Variants in ASIC2 observed in about 807,000 individuals in gnomAD.
The protein encoded by ASIC2 is acid-sensing ion channel 2.
Under a neutral mutation model 57.3 loss-of-function variants are expected in ASIC2, and 25 were observed. That is an observed-to-expected ratio of 0.44 (90% CI 0.32 to 0.61). The LOEUF (loss-of-function observed/expected upper bound fraction) is 0.61, where lower values mean the gene tolerates loss of function less well. Ranked by LOEUF, ASIC2 falls within the 20% of genes least tolerant of loss-of-function variation. The pLI is 0.06. For synonymous variants in ASIC2, 319 were observed against 307.5 expected (o/e 1.04, Z -0.39); for missense variants, 641 against 738.1 (o/e 0.87, Z 1.52).
At chr17:33,853,531 G>C (rs1375363148) in intron 1 of ASIC2, among the ~76,000 whole-genome samples, 1 of 152,206 alleles carries the variant, frequency 6.6e-6, no homozygotes, top group Admixed American at 6.5e-5. Context: ...GACAACTCCA[G>C]TTCCGTAAGG....
chr17:33,057,466 G>T (rs1021405488), intron 3 of ASIC2, among the ~76,000 whole-genome samples: 2 of 152,206 alleles, frequency 1.3e-5, no homozygotes, highest in African/African-American at 4.8e-5. Context: ...TAACTGTCCA[G>T]GGAGGTGGAC....
intron 1 of ASIC2, among the ~76,000 whole-genome samples, chr17:33,641,939 A>G (rs566031290): frequency 6.6e-6 from 1 of 152,342 alleles, no homozygotes; most frequent in Non-Finnish European, 1.5e-5. Flanking sequence ...AAAAGATCAT[A>G]CATTTCTTTT....
intron 4 of ASIC2, among the ~76,000 whole-genome samples, chr17:33,026,754 CT>C (rs2091860634): frequency 6.6e-6 from 1 of 152,182 alleles, no homozygotes; most frequent in Admixed American, 6.5e-5. Context: ...TTGCTGGGAT[CT>C]CTTTGTAGAA....
intron 1 of ASIC2, among the ~76,000 whole-genome samples, chr17:33,320,853 A>AT (rs894748542): frequency 6.6e-5 from 10 of 151,968 alleles, no homozygotes; most frequent in Non-Finnish European, 1.2e-4. Flanking sequence ...CTTATAACTG[A>AT]TTTTTTTGTG....
At chr17:33,634,505 C>CT (rs1384331087) in intron 1 of ASIC2, among the ~76,000 whole-genome samples, 1 of 141,502 alleles carries the variant, frequency 7.1e-6, no homozygotes, top group African/African-American at 2.7e-5. Flanking sequence ...GAGAGAAAAA[C>CT]TTTTTTTTCT....
chr17:33,226,022 G>A (rs1037079281), intron 1 of ASIC2, among the ~76,000 whole-genome samples: 7 of 152,152 alleles, frequency 4.6e-5, no homozygotes, highest in African/African-American at 1.7e-4. Flanking sequence ...CAGAGACAAA[G>A]ATGTCTCCCA....
At chr17:33,906,707 C>T (rs1247923486) in intron 1 of ASIC2, among the ~76,000 whole-genome samples, 1 of 152,218 alleles carries the variant, frequency 6.6e-6, no homozygotes, top group Admixed American at 6.5e-5. Flanking sequence ...ATGCAAGTAT[C>T]TTATAGGACT....
intron 1 of ASIC2, among the ~76,000 whole-genome samples, chr17:34,155,252 C>T (rs1282474298): frequency 6.6e-6 from 1 of 152,160 alleles, no homozygotes; most frequent in Non-Finnish European, 1.5e-5. Flanking sequence ...ATCTCCCTGA[C>T]CCTCTTGCAC....
At chr17:34,153,602 G>A (rs1222880673) in intron 1 of ASIC2, among the ~76,000 whole-genome samples, 10 of 152,206 alleles carry the variant, frequency 6.6e-5, no homozygotes, top group Non-Finnish European at 2.9e-5. Context: ...GCTGCCCACT[G>A]TGCCCAGCTG....
At chr17:33,923,823 G>A (rs1567757380) in intron 1 of ASIC2, among the ~76,000 whole-genome samples, 1 of 152,168 alleles carries the variant, frequency 6.6e-6, no homozygotes, top group Non-Finnish European at 1.5e-5. Flanking sequence ...GGGGCGTCCT[G>A]AGTTCTCAGC....
chr17:34,116,503 G>A (rs548605508), intron 1 of ASIC2, among the ~76,000 whole-genome samples: 2 of 152,244 alleles, frequency 1.3e-5, no homozygotes, highest in Admixed American at 6.5e-5. Context: ...TGTAATTCCT[G>A]CTGGAGTATG....
intron 1 of ASIC2, among the ~76,000 whole-genome samples, chr17:33,135,166 C>T (rs1406865454): frequency 1.3e-5 from 2 of 152,260 alleles, no homozygotes; most frequent in Middle Eastern, 3.4e-3. Context: ...CCCTCATGAA[C>T]GTCCTGCTCA....
At chr17:33,095,684 A>G (rs2092176009) in intron 2 of ASIC2, among the ~76,000 whole-genome samples, 1 of 152,208 alleles carries the variant, frequency 6.6e-6, no homozygotes, top group Admixed American at 6.5e-5. Context: ...GCAGCTGTGT[A>G]GGGACTTCAG....
intron 1 of ASIC2, among the ~76,000 whole-genome samples, chr17:33,708,848 C>T (rs904530995): frequency 6.6e-5 from 10 of 152,302 alleles, no homozygotes; most frequent in East Asian, 5.8e-4. Flanking sequence ...CTCCCTTCCT[C>T]GCACAAGCAG....
At chr17:33,966,489 A>G (rs1017746173) in intron 1 of ASIC2, among the ~76,000 whole-genome samples, 2 of 152,164 alleles carry the variant, frequency 1.3e-5, no homozygotes, top group African/African-American at 4.8e-5. Flanking sequence ...ACATATCCGA[A>G]CCGCCATAAA....
intron 1 of ASIC2, among the ~76,000 whole-genome samples, chr17:33,205,945 C>T (rs1184613136): frequency 6.6e-6 from 1 of 152,182 alleles, no homozygotes; most frequent in Non-Finnish European, 1.5e-5. Context: ...AACAAGAATG[C>T]ACATAGTTAC....
chr17:34,038,900 T>C, intron 1 of ASIC2: 1 of 1,612,814 alleles, frequency 6.2e-7, no homozygotes, highest in Non-Finnish European at 8.5e-7. Context: ...TATCCTTTCC[T>C]GTTGCTTGAT....
chr17:33,096,808 G>A (rs548296294), intron 2 of ASIC2, among the ~76,000 whole-genome samples: 4 of 152,294 alleles, frequency 2.6e-5, no homozygotes, highest in African/African-American at 4.8e-5. Context: ...GGGATGATCC[G>A]GGAGAAAGTG....
chr17:33,566,578 T>G (rs1055193643), intron 1 of ASIC2, among the ~76,000 whole-genome samples: 7 of 152,184 alleles, frequency 4.6e-5, no homozygotes, highest in African/African-American at 1.4e-4. Context: ...TGGGAGAGCA[T>G]GGGCAGCTGG....
Sources: allele counts gnomAD v4.1 joint callset (sites outside exome capture counted in the v4.1 genomes callset), GRCh38; gene constraint gnomAD v4.1.1; transcripts MANE v1.5; gene names NCBI Gene and HGNC (gene_info 2026-07-23, HGNC 2026-07-21).